The following FHOD3 variants were observed in gnomAD, a reference collection of about 807,000 sequenced individuals.
The protein encoded by FHOD3 is FH1/FH2 domain-containing protein 3.
In FHOD3, 90 loss-of-function variants were observed where a neutral mutation model predicts 173.0. That is an observed-to-expected ratio of 0.52 (90% CI 0.44 to 0.62). The LOEUF is 0.62. Ranked by LOEUF, FHOD3 falls within the 20% of genes least tolerant of loss-of-function variation. The pLI, the probability that FHOD3 is intolerant of heterozygous loss-of-function variation, is 0.00. For synonymous variants in FHOD3, 828 were observed against 823.0 expected, an observed-to-expected ratio of 1.01 and a Z score of -0.10; for missense variants, 1,945 against 2,034.7, an observed-to-expected ratio of 0.96 and a Z score of 0.85.
intron 3 of FHOD3, among the ~76,000 whole-genome samples, chr18:36,439,521 A>ATGTGTGTGTGTGTG (rs33931333): frequency 6.9e-6 from 1 of 144,732 alleles, no homozygotes; most frequent in Non-Finnish European, 1.5e-5. Flanking sequence ...AACCAATAGA[A>ATGTGTGTGTGTGTG]TGTGTGTGTG....
chr18:36,587,911 A>T (rs1208483246), intron 6 of FHOD3, among the ~76,000 whole-genome samples: 1 of 152,242 alleles, frequency 6.6e-6, no homozygotes, highest in Non-Finnish European at 1.5e-5. Flanking sequence ...ACCCAGCCTT[A>T]CACTTGGTTA....
In FHOD3 at chr18:36,740,640, C is replaced by A. The variant is rs904456657; in HGVS notation, c.3577-16C>A. On this transcript the variant is annotated splice_polypyrimidine_tract_variant and intron_variant, in intron 20 of 28. Coordinates refer to ENST00000590592, the MANE Select transcript of FHOD3 (RefSeq NM_001281740.3). ...ATCACTAAGAGAAAATATACTATAT[C>A]ATCTCCTATTTCCAGAAAATTCTAA... The A allele has an allele frequency of 1.1e-5, 18 of 1,601,328 alleles. No individual in the cohort carries two copies. Among genetic ancestry groups the A allele is most frequent in the South Asian group, 5.6e-5 (5 of 89,930 alleles).
chr18:36,542,035 A>G (rs1371712852), intron 5 of FHOD3, among the ~76,000 whole-genome samples: 1 of 152,228 alleles, frequency 6.6e-6, no homozygotes, highest in East Asian at 1.9e-4. Context: ...CCAGCCCCAC[A>G]TCAAAGCTGT....
intron 14 of FHOD3, among the ~76,000 whole-genome samples, chr18:36,667,042 C>T (rs1399397963): frequency 1.3e-5 from 2 of 152,184 alleles, no homozygotes; most frequent in African/African-American, 2.4e-5. Flanking sequence ...GAGTTGACTT[C>T]TTTCAGTTAG....
At chr18:36,312,954 G>A (rs1181940788) in intron 1 of FHOD3, among the ~76,000 whole-genome samples, 1 of 152,170 alleles carries the variant, frequency 6.6e-6, no homozygotes, top group African/African-American at 2.4e-5. Flanking sequence ...GCCGGCCCTG[G>A]TATCATCTCA....
intron 18 of FHOD3, among the ~76,000 whole-genome samples, chr18:36,713,001 A>G (rs538906783): frequency 6.6e-6 from 1 of 152,364 alleles, no homozygotes; most frequent in South Asian, 2.1e-4. Flanking sequence ...ACCGTCAACT[A>G]TAAATTCTAT....
At chr18:36,437,204 G>T (rs78631239) in intron 3 of FHOD3, among the ~76,000 whole-genome samples, 1 of 151,904 alleles carries the variant, frequency 6.6e-6, no homozygotes, top group African/African-American at 2.4e-5. Context: ...TGCATCCTTC[G>T]CCTCCTGGAC....
Position 36,760,523 on chromosome 18 carries a change from C to G in FHOD3, c.4450-85C>G, listed in dbSNP as rs9946701. 202,374 of 1,314,876 alleles carry G rather than the reference C, an allele frequency of 0.15. 17,898 individuals carry two copies. Among genetic ancestry groups the G allele is most frequent in the African/African-American group, 0.36 (23,557 of 66,088 alleles). 81.5% of individuals were successfully genotyped at this position (1,314,876 alleles called of 1,614,324 possible). A position where few individuals can be genotyped will look rare whatever the true frequency, so the allele number is the denominator to read the frequency against. On this transcript the variant is annotated intron_variant, in intron 26 of 28. Coordinates refer to ENST00000590592, the MANE Select transcript of FHOD3 (RefSeq NM_001281740.3). ...AACAAAACAAGACAGAGGAGAGGAG[C>G]TTTTCCTCAACCACGGGTTTTAGAA...
At chr18:36,338,954 G>A (rs116059774) in intron 1 of FHOD3, among the ~76,000 whole-genome samples, 2,020 of 152,218 alleles carry the variant, frequency 0.013, 36 homozygotes, top group African/African-American at 0.046. Context: ...GGGAAGTTCT[G>A]AACAGATTGG....
chr18:36,743,591 C>T (rs1321463411), intron 22 of FHOD3, among the ~76,000 whole-genome samples: 2 of 152,084 alleles, frequency 1.3e-5, no homozygotes, highest in African/African-American at 4.8e-5. Context: ...AGGTTTGTTA[C>T]ATTGGTAAAC....
intron 3 of FHOD3, among the ~76,000 whole-genome samples, chr18:36,458,344 C>G (rs1193838350): frequency 2.0e-5 from 3 of 152,114 alleles, no homozygotes; most frequent in Admixed American, 6.6e-5. Context: ...TCCCTTGCCC[C>G]CTTTGTATCC....
chr18:36,308,175 A>G (rs1325505375), intron 1 of FHOD3, among the ~76,000 whole-genome samples: 1 of 152,240 alleles, frequency 6.6e-6, no homozygotes, highest in Non-Finnish European at 1.5e-5. Flanking sequence ...CAATAAGGAA[A>G]ATACAGATAG....
At chr18:36,626,782 T>C (rs753936804) in intron 10 of FHOD3, among the ~76,000 whole-genome samples, 3 of 152,332 alleles carry the variant, frequency 2.0e-5, no homozygotes, top group Non-Finnish European at 4.4e-5. Flanking sequence ...TTGGATGACC[T>C]TAAGAAAGAG....
At chr18:36,637,024 T>C (rs1193579686) in intron 10 of FHOD3, among the ~76,000 whole-genome samples, 1 of 152,196 alleles carries the variant, frequency 6.6e-6, no homozygotes, top group Non-Finnish European at 1.5e-5. Context: ...TCTACCTTTG[T>C]TTTTGTTTGC....
In FHOD3 at chr18:36,670,549, A is replaced by G. The variant is rs1378105106; in HGVS notation, c.1836-10887A>G. Among the ~76,000 whole-genome samples, 4 of 152,076 alleles carry G rather than the reference A, an allele frequency of 2.6e-5. No homozygotes were observed. The East Asian group carries it at 5.8e-4, about 22-fold the overall frequency. ...AGTGGTCTCTTTCTTAATACCTTTCATATTTTAACATGTTAAATATTTTCT... is the reference window on the plus strand; with the variant it reads ...AGTGGTCTCTTTCTTAATACCTTTCGTATTTTAACATGTTAAATATTTTCT... On this transcript the variant is annotated intron_variant, in intron 14 of 28. Coordinates refer to ENST00000590592, the MANE Select transcript of FHOD3 (RefSeq NM_001281740.3).
chr18:36,714,417 A>G (rs2040338852), intron 18 of FHOD3, among the ~76,000 whole-genome samples: 1 of 152,194 alleles, frequency 6.6e-6, no homozygotes, highest in Non-Finnish European at 1.5e-5. Context: ...TCGCGCCTGT[A>G]GTCACAGCTA....
At chr18:36,571,678 A>G (rs114200028) in intron 5 of FHOD3, among the ~76,000 whole-genome samples, 1,647 of 152,340 alleles carry the variant, frequency 0.011, 20 homozygotes, top group African/African-American at 0.037. Flanking sequence ...GGACAGACCA[A>G]TGGGACAGAA....
chr18:36,667,224 G>A (rs766452531), intron 14 of FHOD3, among the ~76,000 whole-genome samples: 40 of 152,182 alleles, frequency 2.6e-4, no homozygotes, highest in Non-Finnish European at 5.0e-4. Flanking sequence ...ATAGTCATTC[G>A]TCACTTAATG....
At chr18:36,609,607 C>CTTTTTTT (rs1181851197) in intron 8 of FHOD3, among the ~76,000 whole-genome samples, 1 of 118,190 alleles carries the variant, frequency 8.5e-6, no homozygotes, top group Non-Finnish European at 1.8e-5. Flanking sequence ...CTTTTTAGTT[C>CTTTTTTT]TTTTTTTTTT....
Sources: allele counts gnomAD v4.1 joint callset (sites outside exome capture counted in the v4.1 genomes callset), GRCh38; gene constraint gnomAD v4.1.1; transcripts MANE v1.5; gene names NCBI Gene and HGNC (gene_info 2026-07-23, HGNC 2026-07-21).